Variants in HACL1 observed in about 807,000 individuals in gnomAD.
The protein encoded by HACL1 is 1600020H07Rik.
In HACL1, 64 loss-of-function variants were observed where a neutral mutation model predicts 74.2. The observed-to-expected ratio is 0.86, with a 90% CI of 0.70 to 1.06. HACL1 has a LOEUF of 1.06. HACL1 is among the 50% of genes least tolerant of loss of function. The pLI is 0.00. For synonymous variants in HACL1, 230 were observed against 238.8 expected (o/e 0.96, Z 0.34); for missense variants, 728 against 719.7 (o/e 1.01, Z -0.13).
Position 15,601,388 on chromosome 3 carries a change from T to C in HACL1, c.76A>G (p.Thr26Ala). The change falls in exon 1 of 17, where the codon ACG becomes GCG. Residue 26 changes from threonine to alanine, a missense_variant. Transcript: ENST00000321169. The stretch of plus-strand genomic sequence containing the variant: ...TCCAGGAAGGTCCATCGTACTTGCG[T>C]TTTCAGGGCCTGAGCGATGACTTTA... ...GAKVIAQALK[T>A]QDVEYIFGIV... 1 of 1,614,112 alleles carries C rather than the reference T, an allele frequency of 6.2e-7. No individual in the cohort carries two copies. Among genetic ancestry groups the C allele is most frequent in the Non-Finnish European group, 8.5e-7 (1 of 1,180,028 alleles).
chr3:15,592,070 A>AC (rs1559560711), intron 3 of HACL1, among the ~76,000 whole-genome samples: 18 of 6,710 alleles, frequency 2.7e-3, no homozygotes, highest in African/African-American at 9.1e-3. Flanking sequence ...ATATACGTAT[A>AC]TACGTATACG....
Position 15,589,618 on chromosome 3 carries a change from A to G in HACL1, c.309-6T>C. ...CACCAATCACAAGCAAGGGCCTGAA[A>G]CAATCATTTTTTTAACAAGATAATT... On this transcript the variant is annotated splice_polypyrimidine_tract_variant and splice_region_variant and intron_variant, in intron 4 of 16. Coordinates refer to ENST00000321169, the MANE Select transcript of HACL1 (RefSeq NM_012260.4). The G allele has an allele frequency of 6.3e-7, 1 of 1,582,802 alleles. No homozygotes were observed. The highest frequency in any genetic ancestry group is 2.2e-5 in the East Asian group (1 of 44,726).
rs533843790 is a variant in HACL1 at position 15,593,082 on chromosome 3, TAC to T, written c.228-1404_228-1403del. On this transcript the variant is annotated intron_variant, in intron 3 of 16. Coordinates refer to ENST00000321169, the MANE Select transcript of HACL1 (RefSeq NM_012260.4). ...TGCTATCTCAAAAAAAGTGTATATA[TAC>T]ACACACATATACATATATGTGTGTG... Among the ~76,000 whole-genome samples the T allele has an allele frequency of 2.0e-5, 3 of 149,156 alleles. No individual in the cohort carries two copies. The East Asian group carries it at 6.0e-4, about 30-fold the overall frequency.
intron 6 of HACL1, among the ~76,000 whole-genome samples, chr3:15,585,633 T>C (rs1248729507): frequency 6.6e-6 from 1 of 152,224 alleles, no homozygotes; most frequent in Non-Finnish European, 1.5e-5. Flanking sequence ...GCCAAGTTTT[T>C]GCACTGTAAT....
chr3:15,597,659 G>A (rs1050843055), intron 2 of HACL1, among the ~76,000 whole-genome samples: 2 of 150,912 alleles, frequency 1.3e-5, no homozygotes, highest in African/African-American at 4.9e-5. Flanking sequence ...AATGTTTATG[G>A]ATCATAATCT....
Position 15,601,538 on chromosome 3 carries a change from C to T in HACL1, c.-75G>A, listed in dbSNP as rs1414091685. ...TCATCCAGCAAGGCAAACGCGAAAT[C>T]GGCAGCACGCCACCTCTGGTACTGC... is the stretch of plus-strand genomic sequence containing the variant. On this transcript the variant is annotated 5_prime_UTR_variant, in exon 1 of 17. Transcript: ENST00000321169. The T allele has an allele frequency of 6.2e-7, 1 of 1,605,574 alleles. No individual in the cohort carries two copies. The highest frequency in any genetic ancestry group is 8.5e-7 in the Non-Finnish European group (1 of 1,179,738).
chr3:15,581,059 G>A (rs1310946107), intron 8 of HACL1, among the ~76,000 whole-genome samples: 1 of 152,112 alleles, frequency 6.6e-6, no homozygotes. Context: ...CTGCCACCAC[G>A]CCCAGCTAAT....
intron 15 of HACL1, 109 bp downstream of exon 15, chr3:15,564,442 G>C (rs1004791002): frequency 1.8e-4 from 112 of 635,706 alleles, no homozygotes; most frequent in Non-Finnish European, 1.4e-5. Flanking sequence ...CAATCGAAAC[G>C]GACAATACTC....
At chr3:15,588,148 G>A (rs1451751563) in intron 5 of HACL1, among the ~76,000 whole-genome samples, 1 of 152,138 alleles carries the variant, frequency 6.6e-6, no homozygotes, top group Non-Finnish European at 1.5e-5. Context: ...CACGCTTGGG[G>A]CTCCCAAAGT....
At chr3:15,590,576 GAA>G (rs1444282084) in intron 4 of HACL1, among the ~76,000 whole-genome samples, 1 of 152,152 alleles carries the variant, frequency 6.6e-6, no homozygotes, top group African/African-American at 2.4e-5. Flanking sequence ...CAAGATCAGA[GAA>G]TAAGTACTAA....
At chr3:15,584,611 T>C (rs1189437126) in intron 7 of HACL1, among the ~76,000 whole-genome samples, 7 of 152,076 alleles carry the variant, frequency 4.6e-5, no homozygotes, top group Non-Finnish European at 1.5e-5. Context: ...AATCACTCTT[T>C]GGTACACAGA....
Position 15,575,047 on chromosome 3 carries a change from C to A in HACL1, c.839G>T (p.Gly280Val). The change falls in exon 10 of 17, where the codon GGT becomes GTT. Residue 280 changes from glycine (G) to valine (V), a missense_variant. Coordinates refer to ENST00000321169, the MANE Select transcript of HACL1 (RefSeq NM_012260.4). ...ATGTAAAATCCAATTTAGTCTGGCA[C>A]CAAATAACACAATTACATCAGCAAA... ...LQFADVIVLF[G>V]ARLNWILHFG... The A allele has an allele frequency of 6.3e-7, 1 of 1,591,416 alleles. No individual in the cohort carries two copies. The highest frequency in any genetic ancestry group is 8.6e-7 in the Non-Finnish European group (1 of 1,160,864).
chr3:15,585,215 T>G (rs745368955), intron 7 of HACL1, 33 bp downstream of exon 7: 1 of 1,035,468 alleles, frequency 9.7e-7, no homozygotes, highest in Admixed American at 1.7e-5. Context: ...ACATGTACAT[T>G]GAAGAAAGAA....
intron 3 of HACL1, among the ~76,000 whole-genome samples, chr3:15,592,010 G>A (rs896552356): frequency 2.1e-5 from 3 of 143,836 alleles, no homozygotes; most frequent in Admixed American, 1.4e-4. Context: ...TACTATATAC[G>A]TATATATACA....
chr3:15,576,025 G>A (rs1172178739), intron 9 of HACL1, among the ~76,000 whole-genome samples: 1 of 102,518 alleles, frequency 9.8e-6, no homozygotes, highest in Admixed American at 1.1e-4. Context: ...TTGTGGTGGT[G>A]CGTGCCTGTA....
intron 8 of HACL1, 142 bp downstream of exon 8, chr3:15,582,734 CA>C (rs1453408994): frequency 5.9e-6 from 3 of 511,814 alleles, no homozygotes; most frequent in Middle Eastern, 9.9e-4. Context: ...TCTGTAATTT[CA>C]AAACAAATAA....
Position 15,601,159 on chromosome 3 carries a change from T to C in HACL1, c.117A>G (p.Pro39=), listed in dbSNP as rs2064219438. Residue 39 remains proline (P), a synonymous_variant, in exon 2 of 17, where the codon CCA becomes CCG. Coordinates refer to ENST00000321169, the MANE Select transcript of HACL1 (RefSeq NM_012260.4). ...GGGCAGCAATGGCGATTTCGGTCAC[T>C]GGGATGCCTACGATGCCAAATATGT... is the stretch of plus-strand genomic sequence containing the variant. ...VEYIFGIVGI[P]VTEIAIAAQQ... 5.0e-6 allele frequency: 8 copies of C among 1,613,886 alleles called. No homozygotes were observed. Among genetic ancestry groups the C allele is most frequent in the East Asian group, 4.5e-5 (2 of 44,882 alleles).
At position 15,585,258 on chromosome 3, in the gene HACL1, T is replaced by C. The variant is rs1026975532; in HGVS notation, c.544A>G (p.Asn182Asp). 10 of 1,528,800 alleles carry C rather than the reference T, an allele frequency of 6.5e-6. No homozygotes were observed. Among genetic ancestry groups the C allele is most frequent in the Non-Finnish European group, 9.1e-6 (10 of 1,102,360 alleles). 94.7% of individuals were successfully genotyped at this position (1,528,800 alleles called of 1,614,324 possible). Residue 182 changes from asparagine to aspartate, a missense_variant, in exon 7 of 17, where the codon AAT becomes GAT. Transcript: ENST00000321169. Reference sequence around the variant, plus strand: ...ATAACTATTACTCACTTTATAGAATTCACATTCACCTGAAGGTTCACAAAA... The same window carrying C: ...ATAACTATTACTCACTTTATAGAATCCACATTCACCTGAAGGTTCACAAAA... ...ADFVNLQVNV[N>D]SIKYMERCMS...
At position 15,563,564 on chromosome 3, in the gene HACL1, G is replaced by C; in HGVS notation, c.1518-20C>G. On this transcript the variant is annotated intron_variant, in intron 15 of 16. Transcript: ENST00000321169. ...GGGACCCTGAAAAACAAGGTCATGA[G>C]TCAATGAAATTTAAATCTTAAACCT... 6.7e-7 allele frequency: 1 copy of C among 1,496,504 alleles called. No individual in the cohort carries two copies. Among genetic ancestry groups the C allele is most frequent in the Non-Finnish European group, 9.2e-7 (1 of 1,089,526 alleles). The allele number at this position is 1,496,504 out of a possible 1,614,324, so 92.7% of individuals were successfully genotyped here. A position where few individuals can be genotyped will look rare whatever the true frequency, so the allele number is the denominator to read the frequency against.
Sources: gnomAD v4.1 joint callset for allele counts (sites outside exome capture counted in the v4.1 genomes callset) on GRCh38, gnomAD v4.1.1 for gene constraint, MANE v1.5 for transcripts, NCBI Gene and HGNC (gene_info 2026-07-23, HGNC 2026-07-21) for gene names.